Variants in KCNIP1 observed in about 807,000 individuals in gnomAD.
KCNIP1 encodes the protein A-type potassium channel modulatory protein KCNIP1.
In KCNIP1, 18 loss-of-function variants were observed where a neutral mutation model predicts 33.0. That is an observed-to-expected ratio of 0.55 (90% CI 0.38 to 0.81). The LOEUF (loss-of-function observed/expected upper bound fraction) is 0.81. Among genes scored for constraint, KCNIP1 ranks in the 30% least tolerant of loss-of-function variants. The pLI is 0.00. For synonymous variants in KCNIP1, 93 were observed against 98.3 expected, an observed-to-expected ratio of 0.95 and a Z score of 0.32; for missense variants, 238 against 271.6, an observed-to-expected ratio of 0.88 and a Z score of 0.87.
At chr5:170,623,110 G>A (rs1222588126) in intron 1 of KCNIP1, among the ~76,000 whole-genome samples, 1 of 152,254 alleles carries the variant, frequency 6.6e-6, no homozygotes, top group African/African-American at 2.4e-5. Context: ...CAGGAGCGGA[G>A]CTCAGGCGGT....
intron 1 of KCNIP1, among the ~76,000 whole-genome samples, chr5:170,428,620 T>C (rs976822387): frequency 6.6e-6 from 1 of 152,140 alleles, no homozygotes; most frequent in African/African-American, 2.4e-5. Context: ...TGCTGTCCCA[T>C]CAGTACTCAC....
At chr5:170,535,601 A>C (rs995401371) in intron 1 of KCNIP1, among the ~76,000 whole-genome samples, 35 of 152,166 alleles carry the variant, frequency 2.3e-4, no homozygotes, top group African/African-American at 7.5e-4. Context: ...CCCCACCCCC[A>C]GTTGTTCCCC....
chr5:170,403,874 G>T (rs1402493984), intron 1 of KCNIP1, among the ~76,000 whole-genome samples: 1 of 152,194 alleles, frequency 6.6e-6, no homozygotes, highest in Non-Finnish European at 1.5e-5. Flanking sequence ...GTGACTCCTG[G>T]TGTGGAGCCA....
At chr5:170,682,784 C>CTTTTTTGTTTTT (rs1762396495) in intron 1 of KCNIP1, among the ~76,000 whole-genome samples, 1 of 71,404 alleles carries the variant, frequency 1.4e-5, no homozygotes, top group African/African-American at 5.8e-5. Context: ...TTCTTTGTTT[C>CTTTTTTGTTTTT]TTTTTTTTTT....
chr5:170,389,472 G>T (rs1440212845), intron 1 of KCNIP1: 1 of 152,252 alleles, frequency 6.6e-6, no homozygotes, highest in African/African-American at 2.4e-5. Flanking sequence ...CAGACTCGGA[G>T]AGCAGGTACC....
intron 1 of KCNIP1, among the ~76,000 whole-genome samples, chr5:170,635,405 C>T (rs1760242969): frequency 6.6e-6 from 1 of 152,124 alleles, no homozygotes. Context: ...CATGTTACCC[C>T]CTCAGAGATG....
At chr5:170,727,156 G>A (rs1362827621) in intron 5 of KCNIP1, among the ~76,000 whole-genome samples, 1 of 152,226 alleles carries the variant, frequency 6.6e-6, no homozygotes, top group Non-Finnish European at 1.5e-5. Context: ...GCAGCAATGT[G>A]TATGAAGCTC....
At chr5:170,722,639 C>G in intron 4 of KCNIP1, 74 bp from the exon 5 acceptor site, 3 of 1,012,750 alleles carry the variant, frequency 3.0e-6, no homozygotes, top group Non-Finnish European at 4.7e-6. Context: ...GTATCACAGT[C>G]TGACCCAAAG....
chr5:170,560,537 G>A (rs1757001265), intron 1 of KCNIP1, among the ~76,000 whole-genome samples: 1 of 151,988 alleles, frequency 6.6e-6, no homozygotes, highest in Non-Finnish European at 1.5e-5. Context: ...TCATGCCCCT[G>A]TCACACAGCA....
At chr5:170,657,407 C>T (rs1664219649) in intron 1 of KCNIP1, among the ~76,000 whole-genome samples, 1 of 152,144 alleles carries the variant, frequency 6.6e-6, no homozygotes, top group African/African-American at 2.4e-5. Context: ...CCCAGCCCTG[C>T]CACCCATTCC....
intron 1 of KCNIP1, among the ~76,000 whole-genome samples, chr5:170,560,475 C>T (rs945016011): frequency 2.0e-5 from 3 of 152,084 alleles, no homozygotes; most frequent in Admixed American, 2.0e-4. Context: ...TGACCTTGGG[C>T]ATCTCATGTT....
intron 1 of KCNIP1, among the ~76,000 whole-genome samples, chr5:170,593,451 AGG>A (rs1758336292): frequency 2.6e-5 from 4 of 152,198 alleles, no homozygotes; most frequent in Non-Finnish European, 5.9e-5. Flanking sequence ...TTTACTTTGG[AGG>A]GGTGTGTGGA....
intron 1 of KCNIP1, among the ~76,000 whole-genome samples, chr5:170,509,643 C>T (rs940948541): frequency 6.6e-6 from 1 of 152,074 alleles, no homozygotes; most frequent in Non-Finnish European, 1.5e-5. Context: ...AAAGAATGAT[C>T]GAATAAATGA....
At chr5:170,615,301 C>T (rs980464539) in intron 1 of KCNIP1, among the ~76,000 whole-genome samples, 1 of 152,172 alleles carries the variant, frequency 6.6e-6, no homozygotes, top group African/African-American at 2.4e-5. Flanking sequence ...GGTGAATCAC[C>T]TTTCCTGGCA....
chr5:170,680,858 A>G (rs1762316603), intron 1 of KCNIP1: 1 of 385,202 alleles, frequency 2.6e-6, no homozygotes, highest in Non-Finnish European at 4.6e-6. Flanking sequence ...AGCAAATATT[A>G]CTATGAAACA....
intron 1 of KCNIP1, among the ~76,000 whole-genome samples, chr5:170,522,348 G>A (rs1030458245): frequency 3.9e-5 from 6 of 152,206 alleles, no homozygotes; most frequent in Non-Finnish European, 8.8e-5. Context: ...CCAGCATCCC[G>A]ATGAGTCTGG....
rs1427198224 is a variant in KCNIP1 at position 170,718,833 on chromosome 5, C to T, written c.137C>T (p.Thr46Ile). Reference sequence around the variant, plus strand: ...GGACTGGAGCAGCTCGAGGCCCAGACCAACTTCACCAAGAGGGAGCTGCAG... The same window carrying T: ...GGACTGGAGCAGCTCGAGGCCCAGATCAACTTCACCAAGAGGGAGCTGCAG... Reference protein sequence around the residue: ...PEGLEQLEAQTNFTKRELQVL... With the variant: ...PEGLEQLEAQINFTKRELQVL... Residue 46 changes from threonine to isoleucine, a missense_variant, in exon 2 of 8, where the codon ACC (threonine) becomes ATC (isoleucine). By Grantham distance (89) the Thr-to-Ile change is moderately conservative. Coordinates refer to ENST00000328939, the MANE Select transcript of KCNIP1 (RefSeq NM_014592.4). The T allele has an allele frequency of 1.9e-6, 3 of 1,609,948 alleles. No individual in the cohort carries two copies. Among genetic ancestry groups the T allele is most frequent in the African/African-American group, 2.7e-5 (2 of 74,340 alleles).
intron 1 of KCNIP1, among the ~76,000 whole-genome samples, chr5:170,658,949 A>C: frequency 6.6e-6 from 1 of 152,174 alleles, no homozygotes; most frequent in East Asian, 1.9e-4. Context: ...GATCACGAGC[A>C]GCCATCTAAG....
intron 1 of KCNIP1, among the ~76,000 whole-genome samples, chr5:170,687,837 G>A (rs1180082186): frequency 1.3e-5 from 2 of 152,218 alleles, no homozygotes; most frequent in Non-Finnish European, 2.9e-5. Context: ...GATGTCATGA[G>A]ATGAAATGTA....
Sources: allele counts gnomAD v4.1 joint callset (sites outside exome capture counted in the v4.1 genomes callset), GRCh38; gene constraint gnomAD v4.1.1; transcripts MANE v1.5; gene names NCBI Gene and HGNC (gene_info 2026-07-23, HGNC 2026-07-21).